Variants in GRIA2 observed in about 807,000 individuals in gnomAD.
GRIA2 encodes glutamate receptor 2.
In GRIA2, 14 loss-of-function variants were observed where a neutral mutation model predicts 97.3. The observed-to-expected ratio is 0.14, with a 90% CI of 0.10 to 0.23. The LOEUF is 0.23. Ranked by LOEUF, GRIA2 falls within the 10% of genes least tolerant of loss-of-function variation. The probability of loss-of-function intolerance (pLI) is 1.00; values close to 1 mark genes in which losing one functional copy is unlikely to be tolerated. For synonymous variants in GRIA2, 412 were observed against 387.8 expected, an observed-to-expected ratio of 1.06 and a Z score of -0.73; for missense variants, 558 against 1,069.8, an observed-to-expected ratio of 0.52 and a Z score of 6.67.
At chr4:157,236,592 A>G (rs1041727429) in intron 2 of GRIA2, among the ~76,000 whole-genome samples, 1 of 152,116 alleles carries the variant, frequency 6.6e-6, no homozygotes, top group Non-Finnish European at 1.5e-5. Flanking sequence ...TTGTAGTCAA[A>G]AAGTGTTTGC....
intron 2 of GRIA2, among the ~76,000 whole-genome samples, chr4:157,259,882 T>A (rs11726983): frequency 0.073 from 11,150 of 152,204 alleles, 530 homozygotes; most frequent in Non-Finnish European, 0.1. Flanking sequence ...AGATTAGAAT[T>A]GTATTTGATT....
rs1024269905 is a variant in GRIA2 at position 157,248,703 on chromosome 4, G to GTA, written c.229+26905_229+26906dup. On this transcript the variant is annotated intron_variant, in intron 2 of 15. Coordinates refer to ENST00000264426, the MANE Select transcript of GRIA2 (RefSeq NM_001083619.3). Reference sequence around the variant, plus strand: ...TATATACACGTGTATATATACACAAGTATATATATACACATATGTGTATAT... The same window carrying GTA: ...TATATACACGTGTATATATACACAAGTATATATATATACACATATGTGTATAT... Among the ~76,000 whole-genome samples the GTA allele has an allele frequency of 5.5e-5, 7 of 127,794 alleles. No homozygotes were observed. The South Asian group carries it at 7.3e-4, about 13-fold the overall frequency. 83.8% of individuals were successfully genotyped at this position (127,794 alleles called of 152,430 possible).
chr4:157,238,873 T>A (rs1394811830), intron 2 of GRIA2, among the ~76,000 whole-genome samples: 1 of 152,158 alleles, frequency 6.6e-6, no homozygotes, highest in Non-Finnish European at 1.5e-5. Flanking sequence ...TTTTTAAAAT[T>A]CTTACCTATT....
At chr4:157,266,659 G>A (rs921777265) in intron 2 of GRIA2, among the ~76,000 whole-genome samples, 2 of 152,056 alleles carry the variant, frequency 1.3e-5, no homozygotes, top group Non-Finnish European at 2.9e-5. Flanking sequence ...GTGGGCCATG[G>A]ACTTATCTGG....
intron 2 of GRIA2, among the ~76,000 whole-genome samples, chr4:157,296,290 G>C (rs1733346462): frequency 6.6e-6 from 1 of 151,900 alleles, no homozygotes; most frequent in Non-Finnish European, 1.5e-5. Flanking sequence ...GATAACAAAG[G>C]ATAAAAATAT....
chr4:157,222,552 G>C (rs941481136), intron 2 of GRIA2, among the ~76,000 whole-genome samples: 1 of 152,202 alleles, frequency 6.6e-6, no homozygotes, highest in Admixed American at 6.5e-5. Flanking sequence ...TAAGTTGGAG[G>C]GGGCGAGGCC....
At chr4:157,327,411 A>T (rs1734851617) in intron 6 of GRIA2, among the ~76,000 whole-genome samples, 1 of 152,176 alleles carries the variant, frequency 6.6e-6, no homozygotes, top group South Asian at 2.1e-4. Flanking sequence ...GATAAAATGT[A>T]AAGTTAATGT....
chr4:157,268,183 C>G (rs545647653), intron 2 of GRIA2, among the ~76,000 whole-genome samples: 4 of 152,006 alleles, frequency 2.6e-5, no homozygotes, highest in Non-Finnish European at 5.9e-5. Context: ...CAAGGTTATA[C>G]TGAATGTTTG....
intron 11 of GRIA2, 118 bp downstream of exon 11, chr4:157,336,865 A>C (rs1021174908): frequency 1.2e-6 from 1 of 839,362 alleles, no homozygotes; most frequent in African/African-American, 1.7e-5. Flanking sequence ...AAGCAGTTTA[A>C]GACTCTTGAA....
chr4:157,323,456 G>T (rs1481048184), intron 6 of GRIA2, among the ~76,000 whole-genome samples: 1 of 149,732 alleles, frequency 6.7e-6, no homozygotes, highest in South Asian at 2.2e-4. Context: ...TGGTGTCAGC[G>T]TATGTATCCA....
intron 2 of GRIA2, among the ~76,000 whole-genome samples, chr4:157,276,649 A>T (rs1293283408): frequency 3.2e-4 from 49 of 151,884 alleles, no homozygotes; most frequent in Admixed American, 3.2e-3. Flanking sequence ...AGACAGGTTA[A>T]CTGAGAAAAA....
intron 3 of GRIA2, among the ~76,000 whole-genome samples, chr4:157,308,072 A>G (rs1184423488): frequency 6.6e-6 from 1 of 152,216 alleles, no homozygotes; most frequent in East Asian, 1.9e-4. Context: ...TAAAATGTAT[A>G]TTTTGGCAGT....
intron 6 of GRIA2, among the ~76,000 whole-genome samples, chr4:157,327,076 T>G (rs924520557): frequency 1.3e-5 from 2 of 152,158 alleles, no homozygotes; most frequent in Non-Finnish European, 2.9e-5. Context: ...AATGAAATAA[T>G]AATTGTAAAA....
rs1733721154 is a variant in GRIA2 at position 157,303,777 on chromosome 4, A to G, written c.455A>G (p.Tyr152Cys). The G allele has an allele frequency of 1.9e-6, 3 of 1,613,158 alleles. No individual in the cohort carries two copies. The highest frequency in any genetic ancestry group is 3.3e-5 in the Admixed American group (2 of 59,996). The change falls in exon 3 of 16, where the codon TAT (tyrosine) becomes TGT (cysteine). Residue 152 changes from tyrosine to cysteine, a missense_variant. Tyr to Cys is a radical substitution (Grantham distance 194). Transcript: ENST00000264426. ...CAATGGGACAAGTTTGCATACCTCT[A>G]TGACAGTGACAGAGGTAAGTGACAG... is the stretch of plus-strand genomic sequence containing the variant. ...YYQWDKFAYL[Y>C]DSDRGLSTLQ...
chr4:157,273,220 A>T (rs893605902), intron 2 of GRIA2, among the ~76,000 whole-genome samples: 1 of 152,116 alleles, frequency 6.6e-6, no homozygotes, highest in African/African-American at 2.4e-5. Flanking sequence ...TATATAATGC[A>T]CTAGAGCATC....
intron 12 of GRIA2, among the ~76,000 whole-genome samples, chr4:157,356,887 C>T (rs1211270897): frequency 6.6e-6 from 1 of 152,118 alleles, no homozygotes; most frequent in Admixed American, 6.6e-5. Context: ...CTGTCACCTA[C>T]ATTAACCTAC....
chr4:157,236,717 G>A (rs1271737871), intron 2 of GRIA2, among the ~76,000 whole-genome samples: 1 of 152,040 alleles, frequency 6.6e-6, no homozygotes, highest in Admixed American at 6.6e-5. Context: ...TTAAAGCTTT[G>A]CTCTTGGTAT....
intron 2 of GRIA2, among the ~76,000 whole-genome samples, chr4:157,240,173 A>G (rs1730441291): frequency 6.6e-6 from 1 of 152,288 alleles, no homozygotes; most frequent in Middle Eastern, 3.4e-3. Context: ...GCATGCATGC[A>G]TGTATATGCA....
intron 12 of GRIA2, among the ~76,000 whole-genome samples, chr4:157,349,331 G>A (rs542512919): frequency 7.2e-5 from 11 of 151,862 alleles, no homozygotes; most frequent in East Asian, 5.8e-4. Flanking sequence ...TACTTCCTGC[G>A]TTCCAGGGTT....
Sources: allele counts gnomAD v4.1 joint callset (sites outside exome capture counted in the v4.1 genomes callset), GRCh38; gene constraint gnomAD v4.1.1; transcripts MANE v1.5; gene names NCBI Gene and HGNC (gene_info 2026-07-23, HGNC 2026-07-21).